Variants in PDE10A observed in about 807,000 individuals in gnomAD.
PDE10A encodes phosphodiesterase 10A, also known as cAMP and cAMP-inhibited cGMP 3',5'-cyclic phosphodiesterase 10A.
PDE10A carries 39 observed loss-of-function variants against 97.7 expected under a neutral mutation model. The observed-to-expected ratio is 0.40, with a 90% CI of 0.31 to 0.52. The LOEUF (loss-of-function observed/expected upper bound fraction) is 0.52, where lower values mean the gene tolerates loss of function less well. PDE10A is among the 20% of genes least tolerant of loss of function. The pLI, the probability that PDE10A is intolerant of heterozygous loss-of-function variation, is 0.56. For synonymous variants in PDE10A, 371 were observed against 376.8 expected (o/e 0.98, Z 0.18); for missense variants, 731 against 1,047.8 (o/e 0.70, Z 4.17).
chr6:165,485,473 A>ATAAAC (rs34160619), intron 2 of PDE10A, among the ~76,000 whole-genome samples: 9 of 151,212 alleles, frequency 6.0e-5, no homozygotes, highest in African/African-American at 2.2e-4. Flanking sequence ...GTCTCAAAAA[A>ATAAAC]AAAAAAAAAA....
chr6:165,406,276 A>G (rs1359263636), intron 13 of PDE10A, among the ~76,000 whole-genome samples: 2 of 72,878 alleles, frequency 2.7e-5, no homozygotes, highest in Non-Finnish European at 6.2e-5. Context: ...GTGTGTGATC[A>G]TGTCACCACT....
At chr6:165,759,440 T>C (rs1413054658) in intron 1 of PDE10A, among the ~76,000 whole-genome samples, 1 of 152,142 alleles carries the variant, frequency 6.6e-6, no homozygotes, top group Non-Finnish European at 1.5e-5. Flanking sequence ...AGGTCATCAG[T>C]CTGGCTTCCA....
At chr6:165,344,924 T>C (rs1431204175) in intron 18 of PDE10A, among the ~76,000 whole-genome samples, 4 of 152,182 alleles carry the variant, frequency 2.6e-5, no homozygotes, top group Admixed American at 2.0e-4. Flanking sequence ...TTACAAGTGG[T>C]CAGGGAAACT....
chr6:165,431,959 A>G (rs1789608260), intron 7 of PDE10A, among the ~76,000 whole-genome samples: 1 of 152,196 alleles, frequency 6.6e-6, no homozygotes, highest in African/African-American at 2.4e-5. Flanking sequence ...AAATATTTCT[A>G]AAATGTAAAA....
At chr6:165,399,293 C>G (rs991460557) in intron 13 of PDE10A, among the ~76,000 whole-genome samples, 1 of 152,136 alleles carries the variant, frequency 6.6e-6, no homozygotes, top group Non-Finnish European at 1.5e-5. Context: ...ATCAAAATCC[C>G]AGTAGGCTTT....
intron 1 of PDE10A, among the ~76,000 whole-genome samples, chr6:165,707,640 C>T (rs893327735): frequency 3.3e-5 from 5 of 151,084 alleles, no homozygotes; most frequent in African/African-American, 7.3e-5. Flanking sequence ...TGTGTGTGTG[C>T]GCATGTTTGG....
At chr6:165,408,472 G>C (rs1444921848) in intron 13 of PDE10A, among the ~76,000 whole-genome samples, 1 of 152,118 alleles carries the variant, frequency 6.6e-6, no homozygotes, top group Admixed American at 6.5e-5. Context: ...GTGATGACCA[G>C]AATTTGGGTC....
At chr6:165,953,772 G>A (rs1325483369) in intron 1 of PDE10A, among the ~76,000 whole-genome samples, 1 of 152,186 alleles carries the variant, frequency 6.6e-6, no homozygotes, top group Non-Finnish European at 1.5e-5. Context: ...AAAGTGCGTA[G>A]CTTACATCAG....
intron 2 of PDE10A, among the ~76,000 whole-genome samples, chr6:165,521,993 T>C (rs1477010242): frequency 6.6e-6 from 1 of 152,220 alleles, no homozygotes; most frequent in East Asian, 1.9e-4. Context: ...CGTTGTAGCA[T>C]GTGTCAGAAC....
chr6:165,638,362 G>A (rs920171998), intron 1 of PDE10A, among the ~76,000 whole-genome samples: 2 of 152,138 alleles, frequency 1.3e-5, no homozygotes, highest in Non-Finnish European at 2.9e-5. Flanking sequence ...TTAACAAAGA[G>A]GAAGGACGAG....
chr6:165,498,543 T>C lies in PDE10A; in HGVS notation c.995-16200A>G, dbSNP rs545667895. Among the ~76,000 whole-genome samples the C allele has an allele frequency of 1.3e-4, 19 of 149,548 alleles. No homozygotes were observed. The East Asian group carries it at 3.7e-3, about 29-fold the overall frequency. On this transcript the variant is annotated intron_variant, in intron 2 of 21. Transcript: ENST00000539869. ...AAGTTGGAAAAAAAATCCCAGAATGTATTGTTCACCTCCAGATTCTAGCAA... is the reference window on the plus strand; with the variant it reads ...AAGTTGGAAAAAAAATCCCAGAATGCATTGTTCACCTCCAGATTCTAGCAA...
intron 19 of PDE10A, among the ~76,000 whole-genome samples, chr6:165,340,800 T>C (rs1196641132): frequency 2.6e-5 from 4 of 152,244 alleles, no homozygotes; most frequent in African/African-American, 9.6e-5. Context: ...ATGGGGAATA[T>C]GCCTGCACAG....
rs186227640 is a variant in PDE10A, at chr6:165,470,270, G to A, written c.1023+12045C>T. Among the ~76,000 whole-genome samples the A allele has an allele frequency of 6.6e-5, 10 of 152,256 alleles. No homozygotes were observed. In the East Asian group the frequency reaches 1.5e-3, roughly 24 times the overall value. ...AAACAAACCATACACAAACCATAGC[G>A]ACAGGTAACGAGAACTGACTCCACG... On this transcript the variant is annotated intron_variant, in intron 3 of 21. Transcript: ENST00000539869.
chr6:165,571,256 T>C (rs1271500569), intron 1 of PDE10A, among the ~76,000 whole-genome samples: 1 of 152,212 alleles, frequency 6.6e-6, no homozygotes, highest in Non-Finnish European at 1.5e-5. Context: ...CTGCCTTGCT[T>C]ACCTTGCAAA....
chr6:165,824,391 T>C (rs771912376), intron 1 of PDE10A, among the ~76,000 whole-genome samples: 4 of 152,266 alleles, frequency 2.6e-5, no homozygotes, highest in Non-Finnish European at 5.9e-5. Flanking sequence ...TGGGGTATTA[T>C]GGACTCAAGA....
At chr6:165,726,541 A>G (rs1792299280) in intron 1 of PDE10A, among the ~76,000 whole-genome samples, 1 of 150,600 alleles carries the variant, frequency 6.6e-6, no homozygotes, top group African/African-American at 2.4e-5. Flanking sequence ...GGGAGAGGAG[A>G]GCCACGATGC....
intron 1 of PDE10A, among the ~76,000 whole-genome samples, chr6:165,647,256 G>A (rs1206319064): frequency 6.6e-6 from 1 of 152,160 alleles, no homozygotes; most frequent in African/African-American, 2.4e-5. Flanking sequence ...AGAGAGGGAT[G>A]GTGTCCTGGA....
rs533294800 is a variant in PDE10A, at chr6:165,539,540, C to T, written c.994+3900G>A. Among the ~76,000 whole-genome samples, 175 of 152,294 alleles carry T rather than the reference C, an allele frequency of 1.1e-3. 2 individuals carry two copies. The highest frequency in any genetic ancestry group is 4.1e-3 in the African/African-American group (169 of 41,566). ...TCCTTCTATTTGTAGACTGAGAACC[C>T]TTTAACAATTTAATAATCCCAGCAC... On this transcript the variant is annotated intron_variant, in intron 2 of 21. Transcript: ENST00000539869.
At chr6:165,846,932 T>A (rs1044609642) in intron 1 of PDE10A, among the ~76,000 whole-genome samples, 1 of 152,220 alleles carries the variant, frequency 6.6e-6, no homozygotes, top group African/African-American at 2.4e-5. Flanking sequence ...TTTCTACTTA[T>A]GAAAGATTTT....
Sources: gnomAD v4.1 joint callset for allele counts (sites outside exome capture counted in the v4.1 genomes callset) on GRCh38, gnomAD v4.1.1 for gene constraint, MANE v1.5 for transcripts, NCBI Gene and HGNC (gene_info 2026-07-23, HGNC 2026-07-21) for gene names.